CD200R1: variants seen among roughly 807,000 people sequenced by gnomAD.
The protein encoded by CD200R1 is CD200 receptor 1.
In CD200R1, 30 loss-of-function variants were observed where a neutral mutation model predicts 38.1. The observed-to-expected ratio is 0.79, with a 90% CI of 0.59 to 1.07. The LOEUF is 1.07. CD200R1 is among the 50% of genes least tolerant of loss of function. CD200R1 has a pLI of 0.00. For synonymous variants in CD200R1, 128 were observed against 152.1 expected (o/e 0.84, Z 1.16); for missense variants, 372 against 415.4 (o/e 0.90, Z 0.91).
intron 2 of CD200R1, among the ~76,000 whole-genome samples, chr3:112,932,851 A>T (rs924527784): frequency 3.3e-5 from 5 of 151,904 alleles, no homozygotes; most frequent in African/African-American, 1.2e-4. Context: ...TGGCAAATAT[A>T]ACCCCAGGCC....
At chr3:112,938,654 C>T (rs959087709) in intron 2 of CD200R1, among the ~76,000 whole-genome samples, 2 of 152,064 alleles carry the variant, frequency 1.3e-5, no homozygotes, top group Non-Finnish European at 2.9e-5. Context: ...AATGGCTTCA[C>T]AGCTGAATTC....
intron 1 of CD200R1, among the ~76,000 whole-genome samples, chr3:112,949,734 G>T (rs926699776): frequency 6.6e-6 from 1 of 152,184 alleles, no homozygotes; most frequent in African/African-American, 2.4e-5. Flanking sequence ...TATTGCAAGA[G>T]CACTGAGAGA....
rs1182009994 is a variant in CD200R1 at position 112,937,310 on chromosome 3, G to A, written c.137-6139C>T. Among the ~76,000 whole-genome samples, 12 of 152,206 alleles carry A rather than the reference G, an allele frequency of 7.9e-5. No individual in the cohort carries two copies. In the East Asian group the frequency reaches 2.3e-3, roughly 29 times the overall value. On this transcript the variant is annotated intron_variant, in intron 2 of 7. Coordinates refer to ENST00000308611, the MANE Select transcript of CD200R1 (RefSeq NM_138806.4). ...TTACCTCCCAGCAGGTCCCTCCCAT[G>A]ACACATGGAGATTATAGAAACTACA...
chr3:112,929,253 A>T lies in CD200R1; in HGVS notation c.457T>A (p.Tyr153Asn), dbSNP rs942461972. ...RTVAITHDGYYRCIMVTPDGN... is the reference protein window; with the variant it reads ...RTVAITHDGYNRCIMVTPDGN... ...TCAGGTGTTACCATTATGCATCTGT[A>T]ATACCCGTCATGAGTGATGGCCACG... is the stretch of plus-strand genomic sequence containing the variant. Residue 153 changes from tyrosine to asparagine, a missense_variant, in exon 4 of 8, where the codon TAC becomes AAC. Tyr to Asn is a moderately radical substitution (Grantham distance 143). Transcript: ENST00000308611. 6.2e-7 allele frequency: 1 copy of T among 1,614,144 alleles called. No homozygotes were observed. Among genetic ancestry groups the T allele is most frequent in the Non-Finnish European group, 8.5e-7 (1 of 1,180,016 alleles).
At chr3:112,927,189 C>T (rs1053900482) in intron 5 of CD200R1, among the ~76,000 whole-genome samples, 10 of 151,780 alleles carry the variant, frequency 6.6e-5, no homozygotes, top group Non-Finnish European at 1.3e-4. Context: ...GAATGAAATA[C>T]CAGACTGAAG....
intron 2 of CD200R1, among the ~76,000 whole-genome samples, chr3:112,933,253 G>T (rs909280700): frequency 2.6e-5 from 4 of 152,190 alleles, no homozygotes; most frequent in African/African-American, 7.2e-5. Context: ...CCTGAGGATA[G>T]CCAAACAACC....
Position 112,929,229 on chromosome 3 carries a change from C to G in CD200R1, c.481G>C (p.Asp161His), listed in dbSNP as rs1260785550. ...TGATATCCACGATGGAAATTCCCAT[C>G]AGGTGTTACCATTATGCATCTGTAA... ...GYYRCIMVTPDGNFHRGYHLQ... is the reference protein window; with the variant it reads ...GYYRCIMVTPHGNFHRGYHLQ... Residue 161 changes from aspartate to histidine, a missense_variant, in exon 4 of 8, where the codon GAT becomes CAT. Transcript: ENST00000308611. The G allele has an allele frequency of 1.9e-6, 3 of 1,614,054 alleles. No individual in the cohort carries two copies. In the African/African-American group the frequency reaches 4.0e-5, roughly 22 times the overall value.
At chr3:112,931,218 C>CA (rs768043570) in intron 2 of CD200R1, 47 bp from the exon 3 acceptor site, 1 of 1,216,382 alleles carries the variant, frequency 8.2e-7, no homozygotes, top group South Asian at 1.2e-5. Flanking sequence ...TTTATGTACT[C>CA]AGAGTGGAAG....
At chr3:112,974,693 A>G (rs1344768738) in intron 1 of CD200R1, 98 bp downstream of exon 1, 2 of 788,294 alleles carry the variant, frequency 2.5e-6, no homozygotes, top group African/African-American at 3.4e-5. Flanking sequence ...TTATTATTGC[A>G]ATTGATTTGT....
In CD200R1 at chr3:112,922,850, A is replaced by C. The variant is rs1940202313; in HGVS notation, c.*827T>G. On this transcript the variant is annotated 3_prime_UTR_variant, in exon 8 of 8. Transcript: ENST00000308611. ...GGCACATTTAAACAATGTTGGAGGGAATTTGACATATATATTTGACACAAT... is the reference window on the plus strand; with the variant it reads ...GGCACATTTAAACAATGTTGGAGGGCATTTGACATATATATTTGACACAAT... 6.6e-6 allele frequency: 1 copy of C among 151,918 alleles called. No homozygotes were observed. The highest frequency in any genetic ancestry group is 2.4e-5 in the African/African-American group (1 of 41,444). The allele number at this position is 151,918 out of a possible 1,614,324, so 9.4% of individuals were successfully genotyped here.
At chr3:112,972,280 T>C (rs555696265) in intron 1 of CD200R1, among the ~76,000 whole-genome samples, 1 of 152,342 alleles carries the variant, frequency 6.6e-6, no homozygotes, top group Admixed American at 6.5e-5. Context: ...TTGTTTTGAA[T>C]CTTTTTCCAC....
chr3:112,965,528 C>T lies in CD200R1; in HGVS notation c.67+9263G>A, dbSNP rs529684163. On this transcript the variant is annotated intron_variant, in intron 1 of 7. Coordinates refer to ENST00000308611, the MANE Select transcript of CD200R1 (RefSeq NM_138806.4). ...CTGTAATCCCAGCACTCTGGGATGCCGAGGCAGGTGGATCACGAGGTCAAC... is the reference window on the plus strand; with the variant it reads ...CTGTAATCCCAGCACTCTGGGATGCTGAGGCAGGTGGATCACGAGGTCAAC... 3.9e-5 allele frequency among the ~76,000 whole-genome samples: 6 copies of T among 152,166 alleles called. No homozygotes were observed. In the East Asian group the frequency reaches 5.8e-4, roughly 15 times the overall value.
At chr3:112,942,585 C>G (rs1268409868) in intron 2 of CD200R1, among the ~76,000 whole-genome samples, 1 of 151,374 alleles carries the variant, frequency 6.6e-6, no homozygotes, top group Non-Finnish European at 1.5e-5. Flanking sequence ...TAAAAGAAAA[C>G]AGTAACAACT....
intron 1 of CD200R1, among the ~76,000 whole-genome samples, chr3:112,949,086 A>G (rs1303396420): frequency 2.6e-5 from 4 of 152,258 alleles, no homozygotes; most frequent in African/African-American, 9.6e-5. Context: ...GGGAAAATGC[A>G]AACAAAAATA....
Position 112,975,094 on chromosome 3 carries a change from T to G in CD200R1, c.-237A>C. 1 of 535,698 alleles carries G rather than the reference T, an allele frequency of 1.9e-6. No homozygotes were observed. The highest frequency in any genetic ancestry group is 3.3e-6 in the Non-Finnish European group (1 of 299,148). 33.2% of individuals were successfully genotyped at this position (535,698 alleles called of 1,614,324 possible). A position where few individuals can be genotyped will look rare whatever the true frequency, so the allele number is the denominator to read the frequency against. ...CTCTGGAACTTGACACAGCAATAGA[T>G]TTCCTGTATGAAGCCCTGAAGCAAA... is the stretch of plus-strand genomic sequence containing the variant. On this transcript the variant is annotated 5_prime_UTR_variant, in exon 1 of 8. Coordinates refer to ENST00000308611, the MANE Select transcript of CD200R1 (RefSeq NM_138806.4).
At chr3:112,973,236 A>G (rs994038413) in intron 1 of CD200R1, among the ~76,000 whole-genome samples, 3 of 152,212 alleles carry the variant, frequency 2.0e-5, no homozygotes, top group Admixed American at 1.3e-4. Context: ...ACAAGTTGCT[A>G]TAAGAGCTTT....
At chr3:112,928,493 C>G (rs773190360) in intron 5 of CD200R1, among the ~76,000 whole-genome samples, 1 of 152,100 alleles carries the variant, frequency 6.6e-6, no homozygotes, top group Non-Finnish European at 1.5e-5. Context: ...CTAATAGAAC[C>G]ATAATTACAT....
rs752111545 is a variant in CD200R1 at position 112,928,857 on chromosome 3, T to C, written c.728A>G (p.His243Arg). The C allele has an allele frequency of 6.2e-7, 1 of 1,613,844 alleles. No homozygotes were observed. Among genetic ancestry groups the C allele is most frequent in the Admixed American group, 1.7e-5 (1 of 60,010 alleles). Residue 243 changes from histidine to arginine, a missense_variant, in exon 5 of 8, where the codon CAT becomes CGT. His to Arg is a conservative substitution (Grantham distance 29). Transcript: ENST00000308611. ...GTACAGACTCTTGTTGCCAGTCAAA[T>C]GGGAGACGTGGCAGGTCACGGTAGA... The part of the protein sequence containing the change: ...NVSTVTCHVS[H>R]LTGNKSLYIE...
intron 5 of CD200R1, among the ~76,000 whole-genome samples, chr3:112,927,084 C>A (rs553677026): frequency 1.3e-5 from 2 of 152,114 alleles, no homozygotes; most frequent in Admixed American, 1.3e-4. Context: ...CACACCTTTC[C>A]CAACTAGCAG....
Sources: allele counts gnomAD v4.1 joint callset (sites outside exome capture counted in the v4.1 genomes callset), GRCh38; gene constraint gnomAD v4.1.1; transcripts MANE v1.5; gene names NCBI Gene and HGNC (gene_info 2026-07-23, HGNC 2026-07-21).